MAGI2: variants seen among roughly 807,000 people sequenced by gnomAD.
The protein encoded by MAGI2 is membrane associated guanylate kinase, WW and PDZ domain containing 2, also known as membrane-associated guanylate kinase, WW and PDZ domain-containing protein 2.
MAGI2 carries 35 observed loss-of-function variants against 133.3 expected under a neutral mutation model. That is an observed-to-expected ratio of 0.26 (90% confidence interval 0.20 to 0.35). MAGI2 has a LOEUF of 0.35. MAGI2 is among the 10% of genes least tolerant of loss of function. The probability of loss-of-function intolerance (pLI) is 1.00; values close to 1 mark genes in which losing one functional copy is unlikely to be tolerated. For missense variants in MAGI2, 1,636 were observed against 1,863.4 expected, an observed-to-expected ratio of 0.88 and a Z score of 2.25; for synonymous variants, 729 against 710.6, an observed-to-expected ratio of 1.03 and a Z score of -0.41.
rs543307364 is a variant in MAGI2 at position 79,324,883 on chromosome 7, A to C, written c.301+128137T>G. ...AACAAAATGCCTTTTCAGTATACAAAGAAACAAACAAAAGAAATTCCACTC... is the reference window on the plus strand; with the variant it reads ...AACAAAATGCCTTTTCAGTATACAACGAAACAAACAAAAGAAATTCCACTC... On this transcript the variant is annotated intron_variant, in intron 1 of 21. Coordinates refer to ENST00000354212, the MANE Select transcript of MAGI2 (RefSeq NM_012301.4). 3.3e-5 allele frequency among the ~76,000 whole-genome samples: 5 copies of C among 151,166 alleles called. No homozygotes were observed. The South Asian group carries it at 1.0e-3, about 31-fold the overall frequency.
chr7:78,250,321 G>A (rs527806272), intron 10 of MAGI2, among the ~76,000 whole-genome samples: 9 of 152,014 alleles, frequency 5.9e-5, no homozygotes, highest in African/African-American at 1.9e-4. Context: ...GAAATTACAA[G>A]GGAAATAAAT....
intron 2 of MAGI2, among the ~76,000 whole-genome samples, chr7:78,760,573 CT>C (rs1329639156): frequency 6.6e-6 from 1 of 151,912 alleles, no homozygotes; most frequent in African/African-American, 2.4e-5. Context: ...TCTATCTTAG[CT>C]AACGAAGTAA....
intron 1 of MAGI2, among the ~76,000 whole-genome samples, chr7:79,189,541 C>T (rs942709205): frequency 1.3e-5 from 2 of 151,602 alleles, no homozygotes; most frequent in Admixed American, 6.6e-5. Flanking sequence ...TTTACCCCTT[C>T]TATTCCCCTC....
intron 2 of MAGI2, among the ~76,000 whole-genome samples, chr7:78,815,698 C>T (rs981724100): frequency 6.6e-6 from 1 of 152,064 alleles, no homozygotes; most frequent in Non-Finnish European, 1.5e-5. Context: ...TTTGATGTTA[C>T]TATTGTAATT....
At chr7:78,364,492 T>C (rs1231003234) in intron 7 of MAGI2, among the ~76,000 whole-genome samples, 1 of 152,236 alleles carries the variant, frequency 6.6e-6, no homozygotes, top group Admixed American at 6.5e-5. Context: ...CTTTCTGGAA[T>C]TGCATACAAA....
chr7:78,164,006 G>T (rs753264138), intron 15 of MAGI2, among the ~76,000 whole-genome samples: 4 of 152,110 alleles, frequency 2.6e-5, no homozygotes, highest in South Asian at 2.1e-4. Flanking sequence ...GCACCAGTTG[G>T]CTGGAGCTCA....
chr7:78,990,026 TA>T (rs1002539458), intron 2 of MAGI2, among the ~76,000 whole-genome samples: 3 of 152,082 alleles, frequency 2.0e-5, no homozygotes, highest in African/African-American at 7.2e-5. Flanking sequence ...CTTCCTAAAA[TA>T]CATGTTTGTT....
chr7:78,144,840 T>C (rs956841188), intron 16 of MAGI2, among the ~76,000 whole-genome samples: 2 of 152,130 alleles, frequency 1.3e-5, no homozygotes, highest in Non-Finnish European at 2.9e-5. Context: ...GCCATGGTGG[T>C]TTGCTGCACT....
At chr7:79,179,723 T>A (rs549319896) in intron 1 of MAGI2, among the ~76,000 whole-genome samples, 2 of 152,124 alleles carry the variant, frequency 1.3e-5, no homozygotes, top group Admixed American at 6.5e-5. Context: ...GACAGTTATA[T>A]GCAGAAGAAT....
chr7:78,412,714 T>C (rs1378740890), intron 6 of MAGI2, among the ~76,000 whole-genome samples: 1 of 152,028 alleles, frequency 6.6e-6, no homozygotes, highest in Admixed American at 6.6e-5. Flanking sequence ...CCAAGTTGTG[T>C]ATGTACAAAA....
At chr7:78,390,595 G>A (rs1226966103) in intron 6 of MAGI2, among the ~76,000 whole-genome samples, 1 of 142,530 alleles carries the variant, frequency 7.0e-6, no homozygotes. Context: ...TTACAGCAGG[G>A]ATTAGAATGT....
intron 14 of MAGI2, among the ~76,000 whole-genome samples, chr7:78,169,276 C>A (rs773899666): frequency 6.6e-6 from 1 of 152,306 alleles, no homozygotes; most frequent in East Asian, 1.9e-4. Context: ...AATAGGTCCC[C>A]CTTTTCTTTT....
intron 1 of MAGI2, among the ~76,000 whole-genome samples, chr7:79,104,753 G>A (rs1818302523): frequency 1.3e-5 from 2 of 152,144 alleles, no homozygotes; most frequent in African/African-American, 4.8e-5. Context: ...AAGCAGCCAT[G>A]AGGTTATGAG....
At chr7:78,903,305 T>G (rs907157997) in intron 2 of MAGI2, among the ~76,000 whole-genome samples, 1 of 145,302 alleles carries the variant, frequency 6.9e-6, no homozygotes, top group East Asian at 2.2e-4. Flanking sequence ...GCCATTCTCC[T>G]GCCTCAGCCT....
At chr7:78,703,887 A>G (rs1356388134) in intron 2 of MAGI2, among the ~76,000 whole-genome samples, 1 of 149,638 alleles carries the variant, frequency 6.7e-6, no homozygotes, top group East Asian at 2.0e-4. Flanking sequence ...GAGGAACAAA[A>G]TTAGTTAATT....
chr7:79,029,504 T>C (rs1054999048), intron 1 of MAGI2, among the ~76,000 whole-genome samples: 15 of 152,180 alleles, frequency 9.9e-5, no homozygotes, highest in African/African-American at 2.7e-4. Context: ...GAAATGTTTA[T>C]ATTTTTTTAT....
intron 1 of MAGI2, among the ~76,000 whole-genome samples, chr7:79,422,378 T>C (rs921509633): frequency 3.3e-5 from 5 of 152,050 alleles, no homozygotes; most frequent in Non-Finnish European, 5.9e-5. Context: ...ATTAATCATA[T>C]ATATGTCACA....
chr7:78,040,664 C>A (rs1279880021), intron 21 of MAGI2, among the ~76,000 whole-genome samples: 2 of 152,144 alleles, frequency 1.3e-5, no homozygotes, highest in African/African-American at 4.8e-5. Context: ...GTCACCTCGC[C>A]TTGGAGACAG....
intron 12 of MAGI2, among the ~76,000 whole-genome samples, chr7:78,186,815 A>G (rs1328517227): frequency 1.3e-5 from 2 of 152,194 alleles, no homozygotes; most frequent in Non-Finnish European, 2.9e-5. Context: ...TAGTATTATT[A>G]TGAATAAATA....
Sources: allele counts gnomAD v4.1 joint callset (sites outside exome capture counted in the v4.1 genomes callset), GRCh38; gene constraint gnomAD v4.1.1; transcripts MANE v1.5; gene names NCBI Gene and HGNC (gene_info 2026-07-23, HGNC 2026-07-21).